The following LARP1B variants were observed in gnomAD, a reference collection of about 807,000 sequenced individuals.
The protein encoded by LARP1B is la-related protein 1B.
A neutral mutation model predicts 114.2 loss-of-function variants in LARP1B; 76 were observed. The ratio of observed to expected loss-of-function variants is 0.67; its 90% CI spans 0.55 to 0.81. The LOEUF (loss-of-function observed/expected upper bound fraction) is 0.81, where lower values mean the gene tolerates loss of function less well. LARP1B is among the 30% of genes least tolerant of loss of function. The pLI is 0.00. For synonymous variants in LARP1B, 345 were observed against 348.0 expected (o/e 0.99, Z 0.10); for missense variants, 1,014 against 1,075.8 (o/e 0.94, Z 0.80).
intron 1 of LARP1B, among the ~76,000 whole-genome samples, chr4:128,066,857 C>T (rs1380078379): frequency 6.8e-6 from 1 of 147,980 alleles, no homozygotes; most frequent in Non-Finnish European, 1.5e-5. Flanking sequence ...AGTGCAATGG[C>T]GCGATCTTGG....
intron 12 of LARP1B, among the ~76,000 whole-genome samples, chr4:128,171,251 C>G (rs1348602252): frequency 6.6e-6 from 1 of 152,084 alleles, no homozygotes; most frequent in Non-Finnish European, 1.5e-5. Context: ...ACCTCAGCCT[C>G]CCGAGTAGGT....
chr4:128,143,333 T>C (rs1374907293), intron 11 of LARP1B, among the ~76,000 whole-genome samples: 2 of 152,148 alleles, frequency 1.3e-5, no homozygotes, highest in African/African-American at 4.8e-5. Context: ...CTAGCCATAA[T>C]CCCTTGCACA....
At chr4:128,094,296 CTTGA>C (rs1405366642) in intron 7 of LARP1B, among the ~76,000 whole-genome samples, 1 of 151,454 alleles carries the variant, frequency 6.6e-6, no homozygotes, top group African/African-American at 2.4e-5. Context: ...ATGTAAAGAT[CTTGA>C]TTATTTCTAG....
At chr4:128,140,181 G>A (rs1426528688) in intron 11 of LARP1B, among the ~76,000 whole-genome samples, 2 of 152,142 alleles carry the variant, frequency 1.3e-5, no homozygotes, top group African/African-American at 4.8e-5. Context: ...CATTGTGTTT[G>A]TATTGGCTGG....
At chr4:128,133,718 CAG>C (rs1334414740) in intron 11 of LARP1B, among the ~76,000 whole-genome samples, 1 of 151,942 alleles carries the variant, frequency 6.6e-6, no homozygotes, top group African/African-American at 2.4e-5. Flanking sequence ...TTTTTTGAGA[CAG>C]AGTTTCGCTC....
chr4:128,154,180 A>T (rs1734299805), intron 11 of LARP1B, among the ~76,000 whole-genome samples: 2 of 152,152 alleles, frequency 1.3e-5, no homozygotes, highest in Admixed American at 1.3e-4. Context: ...TTTGTATAAG[A>T]CACCAAAGAA....
At chr4:128,098,924 C>G (rs182231587) in intron 8 of LARP1B, among the ~76,000 whole-genome samples, 20 of 149,850 alleles carry the variant, frequency 1.3e-4, no homozygotes, top group African/African-American at 4.9e-4. Context: ...ACTACAAGCA[C>G]GCACCATCAT....
chr4:128,169,843 G>A (rs1035933672), intron 12 of LARP1B, among the ~76,000 whole-genome samples: 2 of 151,980 alleles, frequency 1.3e-5, no homozygotes, highest in South Asian at 4.2e-4. Flanking sequence ...CACCACGTTG[G>A]CCAGGCCGGT....
chr4:128,128,146 T>A (rs909717744), intron 11 of LARP1B, among the ~76,000 whole-genome samples: 9 of 152,206 alleles, frequency 5.9e-5, no homozygotes, highest in Non-Finnish European at 1.2e-4. Context: ...GTTAAATTCA[T>A]AAATTTAAGA....
chr4:128,127,819 C>T (rs1037203246), intron 11 of LARP1B, among the ~76,000 whole-genome samples: 1 of 152,030 alleles, frequency 6.6e-6, no homozygotes, highest in Non-Finnish European at 1.5e-5. Flanking sequence ...GGGCAACAAG[C>T]GTGAAAACTC....
chr4:128,080,840 T>A (rs1304938810), intron 4 of LARP1B, among the ~76,000 whole-genome samples: 3 of 152,118 alleles, frequency 2.0e-5, no homozygotes, highest in Non-Finnish European at 2.9e-5. Flanking sequence ...TTATCCCTCT[T>A]CCCTCTTATA....
intron 5 of LARP1B, among the ~76,000 whole-genome samples, chr4:128,085,104 TCCAC>T (rs1772898453): frequency 6.6e-6 from 1 of 152,174 alleles, no homozygotes; most frequent in African/African-American, 2.4e-5. Flanking sequence ...CCTCAGGTGA[TCCAC>T]CCACCTCGAT....
At chr4:128,183,089 G>T (rs1749114102) in intron 15 of LARP1B, among the ~76,000 whole-genome samples, 1 of 152,182 alleles carries the variant, frequency 6.6e-6, no homozygotes, top group African/African-American at 2.4e-5. Flanking sequence ...AAGTGCTGAT[G>T]GGGAAGGTGC....
At chr4:128,196,286 GA>G (rs1561548177) in intron 15 of LARP1B, among the ~76,000 whole-genome samples, 1 of 137,828 alleles carries the variant, frequency 7.3e-6, no homozygotes, top group East Asian at 2.1e-4. Context: ...GAAAGAAAAA[GA>G]AAAGGGAAAA....
intron 17 of LARP1B, among the ~76,000 whole-genome samples, chr4:128,202,934 C>T (rs1390138734): frequency 6.6e-6 from 1 of 152,190 alleles, no homozygotes; most frequent in African/African-American, 2.4e-5. Context: ...CATGGTGGCT[C>T]ACACCTGTAA....
chr4:128,069,613 C>A, intron 1 of LARP1B: 1 of 666,500 alleles, frequency 1.5e-6, no homozygotes. Flanking sequence ...ATGCCCCCAT[C>A]TTGGCTTACC....
intron 8 of LARP1B, among the ~76,000 whole-genome samples, chr4:128,102,910 T>A (rs1227680992): frequency 6.6e-6 from 1 of 152,252 alleles, no homozygotes; most frequent in Non-Finnish European, 1.5e-5. Context: ...CTAAATTGTC[T>A]GAACTTGTGG....
At chr4:128,174,045 T>C (rs566960891) in intron 12 of LARP1B, among the ~76,000 whole-genome samples, 6 of 152,314 alleles carry the variant, frequency 3.9e-5, no homozygotes, top group African/African-American at 1.4e-4. Flanking sequence ...ATGTTTCACT[T>C]AACATAATAT....
At chr4:128,113,176 A>G (rs1300009884) in intron 9 of LARP1B, among the ~76,000 whole-genome samples, 2 of 152,178 alleles carry the variant, frequency 1.3e-5, no homozygotes, top group African/African-American at 2.4e-5. Context: ...TGAGGCTTAC[A>G]ACATAATGTT....
Sources: allele counts gnomAD v4.1 joint callset (sites outside exome capture counted in the v4.1 genomes callset), GRCh38; gene constraint gnomAD v4.1.1; transcripts MANE v1.5; gene names NCBI Gene and HGNC (gene_info 2026-07-23, HGNC 2026-07-21).